Variants in NRXN1 observed in about 807,000 individuals in gnomAD.
NRXN1 encodes the protein neurexin-1.
NRXN1 carries 39 observed loss-of-function variants against 150.9 expected under a neutral mutation model. That is an observed-to-expected ratio of 0.26 (90% confidence interval 0.20 to 0.34). NRXN1 has a LOEUF of 0.34. Among genes scored for constraint, NRXN1 ranks in the 10% least tolerant of loss-of-function variants. NRXN1 has a pLI of 1.00. For synonymous variants in NRXN1, 924 were observed against 757.0 expected (o/e 1.22, Z -3.62); for missense variants, 1,815 against 1,949.9 (o/e 0.93, Z 1.30).
At chr2:50,806,078 T>C (rs972483433) in intron 5 of NRXN1, among the ~76,000 whole-genome samples, 15 of 152,348 alleles carry the variant, frequency 9.8e-5, no homozygotes, top group African/African-American at 3.4e-4. Context: ...ATTTATTGCA[T>C]TGTACTTTAA....
At chr2:50,584,339 T>C (rs1672761436) in intron 8 of NRXN1, among the ~76,000 whole-genome samples, 1 of 152,202 alleles carries the variant, frequency 6.6e-6, no homozygotes, top group South Asian at 2.1e-4. Flanking sequence ...TATGTTCCTA[T>C]ATTTCTAGGT....
intron 2 of NRXN1, among the ~76,000 whole-genome samples, chr2:50,940,742 G>C (rs947564603): frequency 8.6e-5 from 13 of 152,036 alleles, no homozygotes; most frequent in Non-Finnish European, 1.5e-4. Context: ...CTAAGGTTTG[G>C]TTTTGTTTTG....
chr2:49,970,096 G>A (rs1677688094), intron 21 of NRXN1: 1 of 151,978 alleles, frequency 6.6e-6, no homozygotes, highest in African/African-American at 2.4e-5. Flanking sequence ...GTCTTTCAAA[G>A]TAATGAATAA....
intron 15 of NRXN1, among the ~76,000 whole-genome samples, chr2:50,488,523 C>T (rs1419182816): frequency 6.6e-6 from 1 of 152,158 alleles, no homozygotes; most frequent in Non-Finnish European, 1.5e-5. Context: ...CCAGTAGAGA[C>T]CAAGTGAGGC....
At chr2:50,522,768 C>T (rs1221888136) in intron 12 of NRXN1, among the ~76,000 whole-genome samples, 2 of 112,974 alleles carry the variant, frequency 1.8e-5, no homozygotes, top group African/African-American at 3.8e-5. Flanking sequence ...GTCTTGCTCT[C>T]TCACCCAGGC....
chr2:49,965,742 G>A (rs1331836441), intron 21 of NRXN1, among the ~76,000 whole-genome samples: 1 of 152,130 alleles, frequency 6.6e-6, no homozygotes, highest in Non-Finnish European at 1.5e-5. Flanking sequence ...TTTATCAGTG[G>A]TAAGAATGTT....
At chr2:50,691,211 T>C (rs1442039178) in intron 5 of NRXN1, among the ~76,000 whole-genome samples, 1 of 152,172 alleles carries the variant, frequency 6.6e-6, no homozygotes, top group Non-Finnish European at 1.5e-5. Context: ...TAAAATTTCT[T>C]AGCTTAAAAG....
At chr2:50,422,768 G>A (rs886622725) in intron 17 of NRXN1, among the ~76,000 whole-genome samples, 1 of 152,080 alleles carries the variant, frequency 6.6e-6, no homozygotes, top group Non-Finnish European at 1.5e-5. Flanking sequence ...AATATAACTG[G>A]TAACACAACA....
At chr2:50,615,122 G>A (rs61110621) in intron 8 of NRXN1, among the ~76,000 whole-genome samples, 2,334 of 152,276 alleles carry the variant, frequency 0.015, 77 homozygotes, top group African/African-American at 0.053. Context: ...ATGTTTCTAA[G>A]TGTAATTAAA....
intron 18 of NRXN1, among the ~76,000 whole-genome samples, chr2:50,228,247 T>C (rs2064593801): frequency 6.6e-6 from 1 of 152,108 alleles, no homozygotes; most frequent in African/African-American, 2.4e-5. Context: ...AAGTTAATTG[T>C]ATTTAGTAAA....
chr2:50,482,757 T>C (rs979669090), intron 15 of NRXN1, among the ~76,000 whole-genome samples: 16 of 152,040 alleles, frequency 1.1e-4, no homozygotes, highest in African/African-American at 2.9e-4. Flanking sequence ...GAGGTCCACA[T>C]AAGATACAGG....
At chr2:50,801,205 G>C (rs1707537377) in intron 5 of NRXN1, among the ~76,000 whole-genome samples, 1 of 151,890 alleles carries the variant, frequency 6.6e-6, no homozygotes, top group South Asian at 2.1e-4. Flanking sequence ...AATATAGTGA[G>C]GTTTTTAGCT....
intron 2 of NRXN1, among the ~76,000 whole-genome samples, chr2:51,018,896 C>T (rs974511245): frequency 6.6e-6 from 1 of 151,952 alleles, no homozygotes; most frequent in Non-Finnish European, 1.5e-5. Flanking sequence ...AGAATCAACC[C>T]ATCAAGTAGA....
At chr2:50,174,201 A>C (rs2060209980) in intron 18 of NRXN1, among the ~76,000 whole-genome samples, 1 of 152,132 alleles carries the variant, frequency 6.6e-6, no homozygotes, top group Non-Finnish European at 1.5e-5. Context: ...AAAAAATACA[A>C]AAAAGAGACA....
chr2:49,974,074 T>C (rs997500652), intron 21 of NRXN1: 1 of 717,150 alleles, frequency 1.4e-6, no homozygotes, highest in African/African-American at 1.7e-5. Context: ...ATTTAGTCCA[T>C]CCTCTGAAAT....
At chr2:50,024,622 T>A (rs900188003) in intron 21 of NRXN1, among the ~76,000 whole-genome samples, 1 of 149,744 alleles carries the variant, frequency 6.7e-6, no homozygotes, top group African/African-American at 2.4e-5. Flanking sequence ...GAGTAATTCT[T>A]TTTTTTTTTG....
intron 22 of NRXN1, among the ~76,000 whole-genome samples, chr2:49,941,108 C>T (rs1300824406): frequency 6.6e-6 from 1 of 151,808 alleles, no homozygotes; most frequent in African/African-American, 2.4e-5. Context: ...TCCATGCAGG[C>T]AGCAAGAAAA....
chr2:50,520,196 G>A (rs2092747222), intron 12 of NRXN1, among the ~76,000 whole-genome samples: 1 of 151,644 alleles, frequency 6.6e-6, no homozygotes, highest in South Asian at 2.1e-4. Context: ...GTTTCCTTTA[G>A]CCTCCAAATA....
Position 50,346,640 on chromosome 2 carries a change from A to G in NRXN1, c.3365-109670T>C. ...GAGCCCAGGAGCGAGTGCAGGGTAG[A>G]AAGAGGGGAGCGAGGGGATAACCCG... On this transcript the variant is annotated intron_variant, in intron 17 of 22. Transcript: ENST00000401669. This position sits in a 1 kb window ranked among gnomAD's most constrained non-coding sequence, Gnocchi z 5.0. 6.3e-7 allele frequency: 1 copy of G among 1,593,750 alleles called. No homozygotes were observed. Among genetic ancestry groups the G allele is most frequent in the Non-Finnish European group, 8.6e-7 (1 of 1,162,772 alleles).
Sources: allele counts gnomAD v4.1 joint callset (sites outside exome capture counted in the v4.1 genomes callset), GRCh38; gene constraint gnomAD v4.1.1; non-coding constraint Gnocchi (gnomAD v3.1); transcripts MANE v1.5; gene names NCBI Gene and HGNC (gene_info 2026-07-23, HGNC 2026-07-21).